Variants in ZNF131 observed in about 807,000 individuals in gnomAD.
The protein encoded by ZNF131 is zinc finger and BTB domain containing 35.
Under a neutral mutation model 60.0 loss-of-function variants are expected in ZNF131, and 7 were observed. The ratio of observed to expected loss-of-function variants is 0.12; its 90% CI spans 0.07 to 0.22. ZNF131 has a LOEUF of 0.22. Among genes scored for constraint, ZNF131 ranks in the 10% least tolerant of loss-of-function variants. The probability of loss-of-function intolerance (pLI) is 1.00; values close to 1 mark genes in which losing one functional copy is unlikely to be tolerated. For synonymous variants in ZNF131, 257 were observed against 253.2 expected, an observed-to-expected ratio of 1.01 and a Z score of -0.14; for missense variants, 493 against 740.9, an observed-to-expected ratio of 0.67 and a Z score of 3.88.
At chr5:43,152,802 G>A (rs1410798522) in intron 4 of ZNF131, among the ~76,000 whole-genome samples, 4 of 151,808 alleles carry the variant, frequency 2.6e-5, no homozygotes, top group African/African-American at 9.7e-5. Flanking sequence ...TGGAGATGGG[G>A]TCTTACTATG....
intron 3 of ZNF131, among the ~76,000 whole-genome samples, chr5:43,128,527 G>A (rs934224494): frequency 1.3e-5 from 2 of 151,888 alleles, no homozygotes; most frequent in African/African-American, 4.8e-5. Flanking sequence ...CATGGTGGTG[G>A]GCACCTGTAG....
chr5:43,172,886 A>G (rs1751178295), intron 5 of ZNF131, among the ~76,000 whole-genome samples: 1 of 152,166 alleles, frequency 6.6e-6, no homozygotes, highest in African/African-American at 2.4e-5. Flanking sequence ...GGCCTTTGAT[A>G]GGAAGTTTTT....
intron 3 of ZNF131, among the ~76,000 whole-genome samples, chr5:43,133,902 A>C (rs1745680024): frequency 6.6e-6 from 1 of 152,228 alleles, no homozygotes. Flanking sequence ...AAACCTTCCA[A>C]CAAAGAAAAG....
chr5:43,143,955 C>T (rs1241115473), intron 4 of ZNF131, among the ~76,000 whole-genome samples: 2 of 120,714 alleles, frequency 1.7e-5, no homozygotes, highest in African/African-American at 3.2e-5. Flanking sequence ...CGGAGTCTCG[C>T]TCTGTCCCCA....
intron 4 of ZNF131, among the ~76,000 whole-genome samples, chr5:43,158,604 C>G (rs182565900): frequency 2.0e-5 from 3 of 152,314 alleles, no homozygotes; most frequent in African/African-American, 7.2e-5. Flanking sequence ...GTCATCTTAA[C>G]TCAGTTATAT....
intron 1 of ZNF131, 88 bp downstream of exon 1, chr5:43,121,211 G>C (rs1255151294): frequency 6.5e-6 from 1 of 153,150 alleles, no homozygotes. Context: ...CTGTGAGGAC[G>C]GTTGGCGAGT....
At chr5:43,138,887 A>G (rs1282712508) in intron 3 of ZNF131, among the ~76,000 whole-genome samples, 1 of 152,194 alleles carries the variant, frequency 6.6e-6, no homozygotes, top group Non-Finnish European at 1.5e-5. Flanking sequence ...GAAATGTAGC[A>G]TGTCTGACAT....
intron 5 of ZNF131, among the ~76,000 whole-genome samples, chr5:43,162,383 G>A (rs1749789916): frequency 6.6e-6 from 1 of 151,410 alleles, no homozygotes; most frequent in Admixed American, 6.6e-5. Flanking sequence ...CCTGAGGTCA[G>A]GTGTTCGAGA....
chr5:43,163,191 G>T (rs966475264), intron 5 of ZNF131, among the ~76,000 whole-genome samples: 1 of 151,672 alleles, frequency 6.6e-6, no homozygotes, highest in South Asian at 2.1e-4. Context: ...GTCAGGCCAG[G>T]GTGGTCTCAA....
chr5:43,125,308 C>CT (rs1744384963), intron 3 of ZNF131, among the ~76,000 whole-genome samples: 2 of 149,650 alleles, frequency 1.3e-5, no homozygotes, highest in African/African-American at 2.4e-5. Context: ...TTTTTTTTTT[C>CT]TTTTTTTTGG....
At chr5:43,127,186 G>A (rs1025422078) in intron 3 of ZNF131, among the ~76,000 whole-genome samples, 2 of 152,052 alleles carry the variant, frequency 1.3e-5, no homozygotes, top group East Asian at 1.9e-4. Context: ...CTGGGACCCC[G>A]TCCCCCACTC....
chr5:43,161,606 GGTAGAAGGTATTGAAATT>G lies in ZNF131; in HGVS notation c.732_749del (p.Gly246_Glu251del). 1 of 1,614,220 alleles carries G rather than the reference GGTAGAAGGTATTGAAATT, an allele frequency of 6.2e-7. No individual in the cohort carries two copies. Among genetic ancestry groups the G allele is most frequent in the East Asian group, 2.2e-5 (1 of 44,892 alleles). On this transcript the variant is annotated inframe_deletion, in exon 5 of 7. Transcript: ENST00000682664. ...GTCCATCTGACCCCACGAGCAAACA[GGTAGAAGGTATTGAAATT>G]GTGGAACTTCAGCTGTCACATGTGA...
intron 6 of ZNF131, among the ~76,000 whole-genome samples, chr5:43,174,193 A>C (rs1253729166): frequency 6.6e-6 from 1 of 152,238 alleles, no homozygotes; most frequent in Non-Finnish European, 1.5e-5. Context: ...GCACCATTGC[A>C]CTCCAGCCTG....
chr5:43,140,120 TGG>T (rs1746618747), intron 4 of ZNF131, among the ~76,000 whole-genome samples: 1 of 151,284 alleles, frequency 6.6e-6, no homozygotes, highest in South Asian at 2.1e-4. Flanking sequence ...GGAGCTGAGG[TGG>T]GAGGGGAGGA....
chr5:43,127,538 G>A (rs751070224), intron 3 of ZNF131, among the ~76,000 whole-genome samples: 1 of 152,242 alleles, frequency 6.6e-6, no homozygotes, highest in Non-Finnish European at 1.5e-5. Context: ...TGCAGTCAAT[G>A]TTGAGGACCA....
chr5:43,166,737 C>G (rs1750414250), intron 5 of ZNF131, among the ~76,000 whole-genome samples: 1 of 151,678 alleles, frequency 6.6e-6, no homozygotes, highest in Non-Finnish European at 1.5e-5. Context: ...CTCACTGCAA[C>G]CTCTGCCTCC....
chr5:43,167,809 G>C, intron 5 of ZNF131: 1 of 325,740 alleles, frequency 3.1e-6, no homozygotes, highest in Admixed American at 4.0e-5. Context: ...CTGTGGGAAT[G>C]CCTGCCTGGG....
chr5:43,135,586 C>T (rs1243888068), intron 3 of ZNF131, among the ~76,000 whole-genome samples: 1 of 150,180 alleles, frequency 6.7e-6, no homozygotes, highest in Non-Finnish European at 1.5e-5. Context: ...CTGTCTCTTC[C>T]GGAAAAAAAT....
intron 4 of ZNF131, among the ~76,000 whole-genome samples, chr5:43,156,356 TA>T (rs1303229271): frequency 1.3e-5 from 2 of 152,122 alleles, no homozygotes. Flanking sequence ...CTTGGATGAG[TA>T]TATTGCTTTC....
Sources: allele counts gnomAD v4.1 joint callset (sites outside exome capture counted in the v4.1 genomes callset), GRCh38; gene constraint gnomAD v4.1.1; transcripts MANE v1.5; gene names NCBI Gene and HGNC (gene_info 2026-07-23, HGNC 2026-07-21).